PPP2R5E: variants seen among roughly 807,000 people sequenced by gnomAD.
PPP2R5E encodes the protein protein phosphatase 2 regulatory subunit B'epsilon.
A neutral mutation model predicts 65.3 loss-of-function variants in PPP2R5E; 4 were observed. That is an observed-to-expected ratio of 0.06 (90% CI 0.03 to 0.14). The LOEUF is 0.14. PPP2R5E is among the 10% of genes least tolerant of loss of function. The pLI, the probability that PPP2R5E is intolerant of heterozygous loss-of-function variation, is 1.00. For missense variants in PPP2R5E, 274 were observed against 556.1 expected, an observed-to-expected ratio of 0.49 and a Z score of 5.10; for synonymous variants, 183 against 187.4, an observed-to-expected ratio of 0.98 and a Z score of 0.19.
chr14:63,540,854 A>G (rs1445079975), intron 1 of PPP2R5E, among the ~76,000 whole-genome samples: 1 of 152,240 alleles, frequency 6.6e-6, no homozygotes, highest in Non-Finnish European at 1.5e-5. Context: ...CCACTCCATT[A>G]TAAGCATTAA....
chr14:63,425,146 T>C (rs558690136), intron 3 of PPP2R5E, among the ~76,000 whole-genome samples: 1 of 152,344 alleles, frequency 6.6e-6, no homozygotes, highest in South Asian at 2.1e-4. Flanking sequence ...CCAACTTTCT[T>C]ATTCGTTAGC....
intron 2 of PPP2R5E, among the ~76,000 whole-genome samples, chr14:63,519,808 T>C (rs985901122): frequency 2.0e-5 from 3 of 150,942 alleles, no homozygotes; most frequent in Non-Finnish European, 2.9e-5. Flanking sequence ...ATTACAGGCA[T>C]GTGCCACCAT....
At chr14:63,456,518 A>T (rs1290039790) in intron 2 of PPP2R5E, among the ~76,000 whole-genome samples, 5 of 152,374 alleles carry the variant, frequency 3.3e-5, no homozygotes, top group Non-Finnish European at 5.9e-5. Context: ...TTTATTGGGC[A>T]CTTTATCTAA....
chr14:63,467,562 T>TA (rs1356608359), intron 2 of PPP2R5E, among the ~76,000 whole-genome samples: 1 of 152,136 alleles, frequency 6.6e-6, no homozygotes, highest in Non-Finnish European at 1.5e-5. Flanking sequence ...ATATGAGAAA[T>TA]AAGAGTTGAC....
chr14:63,533,745 G>A (rs1173876584), intron 2 of PPP2R5E, among the ~76,000 whole-genome samples: 1 of 152,132 alleles, frequency 6.6e-6, no homozygotes, highest in Non-Finnish European at 1.5e-5. Flanking sequence ...AGGAGTTCGA[G>A]ACCAGCCTGG....
intron 3 of PPP2R5E, among the ~76,000 whole-genome samples, chr14:63,426,126 T>C (rs8004142): frequency 0.047 from 7,089 of 152,260 alleles, 564 homozygotes; most frequent in African/African-American, 0.16. Flanking sequence ...TGGGAAAGAA[T>C]GGCAAAGCAT....
At chr14:63,455,925 C>T (rs758055335) in intron 2 of PPP2R5E, among the ~76,000 whole-genome samples, 10 of 152,080 alleles carry the variant, frequency 6.6e-5, no homozygotes, top group Non-Finnish European at 1.5e-4. Flanking sequence ...CACCACCACA[C>T]CCAGCTAATT....
At chr14:63,400,508 T>TC (rs1234532557) in intron 5 of PPP2R5E, among the ~76,000 whole-genome samples, 1 of 152,178 alleles carries the variant, frequency 6.6e-6, no homozygotes, top group African/African-American at 2.4e-5. Context: ...ACTACAGCTC[T>TC]CTGCCCATTC....
intron 2 of PPP2R5E, among the ~76,000 whole-genome samples, chr14:63,454,719 C>A (rs181804166): frequency 7.2e-5 from 11 of 152,236 alleles, no homozygotes; most frequent in African/African-American, 2.6e-4. Context: ...TCAAATATAC[C>A]GACTAAGCTG....
chr14:63,519,849 A>G (rs1193908528), intron 2 of PPP2R5E, among the ~76,000 whole-genome samples: 4 of 151,330 alleles, frequency 2.6e-5, no homozygotes, highest in African/African-American at 4.9e-5. Context: ...TTTAGTAAAG[A>G]TGGGGTTTCA....
chr14:63,480,274 A>G (rs1176445092), intron 2 of PPP2R5E, among the ~76,000 whole-genome samples: 1 of 152,088 alleles, frequency 6.6e-6, no homozygotes, highest in African/African-American at 2.4e-5. Context: ...CCTGGCCAAC[A>G]TGGTGAAACT....
At chr14:63,481,045 C>A (rs1206903089) in intron 2 of PPP2R5E, among the ~76,000 whole-genome samples, 1 of 152,120 alleles carries the variant, frequency 6.6e-6, no homozygotes, top group Non-Finnish European at 1.5e-5. Flanking sequence ...CAATTGTCAT[C>A]AAAAATAATT....
chr14:63,486,566 T>C (rs76566083), intron 2 of PPP2R5E, among the ~76,000 whole-genome samples: 3,371 of 152,040 alleles, frequency 0.022, 71 homozygotes, highest in African/African-American at 0.061. Flanking sequence ...TGTTTACCAA[T>C]ACCATCATTT....
chr14:63,398,901 A>G (rs1232086787), intron 5 of PPP2R5E, among the ~76,000 whole-genome samples: 1 of 152,186 alleles, frequency 6.6e-6, no homozygotes, highest in Admixed American at 6.5e-5. Flanking sequence ...AGAAACTGGA[A>G]CCCTCATACA....
intron 2 of PPP2R5E, among the ~76,000 whole-genome samples, chr14:63,505,965 A>G (rs1017252793): frequency 6.6e-6 from 1 of 152,168 alleles, no homozygotes; most frequent in African/African-American, 2.4e-5. Flanking sequence ...AAAGTCAGGC[A>G]AGGCTTTCAA....
chr14:63,433,630 G>A (rs997229347), intron 3 of PPP2R5E, among the ~76,000 whole-genome samples: 4 of 152,134 alleles, frequency 2.6e-5, no homozygotes, highest in Non-Finnish European at 4.4e-5. Flanking sequence ...TCAGCTGTGC[G>A]TAATGTCCCC....
intron 5 of PPP2R5E, among the ~76,000 whole-genome samples, chr14:63,409,486 G>A (rs1396612044): frequency 6.6e-6 from 1 of 152,120 alleles, no homozygotes; most frequent in East Asian, 1.9e-4. Flanking sequence ...AACATATGAG[G>A]GGGTTGTGAA....
At chr14:63,415,534 A>T (rs2139862879) in intron 4 of PPP2R5E, among the ~76,000 whole-genome samples, 1 of 152,362 alleles carries the variant, frequency 6.6e-6, no homozygotes, top group South Asian at 2.1e-4. Context: ...ATACTAATGT[A>T]CTATAAATAT....
In PPP2R5E at chr14:63,403,857, T is replaced by C. The variant is rs117880146; in HGVS notation, c.550-7141A>G. Among the ~76,000 whole-genome samples, 197 of 152,284 alleles carry C rather than the reference T, an allele frequency of 1.3e-3. 5 individuals carry two copies. The East Asian group carries it at 0.038, about 29-fold the overall frequency. ...TGTGCCTTGGAATGAACAACATGTA[T>C]ACAATAGTACTCATCTATCATGTGA... On this transcript the variant is annotated intron_variant, in intron 5 of 13. Coordinates refer to ENST00000337537, the MANE Select transcript of PPP2R5E (RefSeq NM_006246.5).
Sources: allele counts gnomAD v4.1 joint callset (sites outside exome capture counted in the v4.1 genomes callset), GRCh38; gene constraint gnomAD v4.1.1; transcripts MANE v1.5; gene names NCBI Gene and HGNC (gene_info 2026-07-23, HGNC 2026-07-21).